The following AFF3 variants were observed in gnomAD, a reference collection of about 807,000 sequenced individuals.
The protein encoded by AFF3 is AF4/FMR2 family member 3.
Under a neutral mutation model 129.7 loss-of-function variants are expected in AFF3, and 32 were observed. The observed-to-expected ratio is 0.25, with a 90% confidence interval of 0.19 to 0.33. The LOEUF (loss-of-function observed/expected upper bound fraction) is 0.33. Among genes scored for constraint, AFF3 ranks in the 10% least tolerant of loss-of-function variants. The pLI is 1.00. For synonymous variants in AFF3, 644 were observed against 635.4 expected (o/e 1.01, Z -0.20); for missense variants, 1,373 against 1,592.0 (o/e 0.86, Z 2.34).
intron 4 of AFF3, among the ~76,000 whole-genome samples, chr2:100,035,886 T>G (rs771972044): frequency 2.0e-5 from 3 of 152,126 alleles, no homozygotes; most frequent in Non-Finnish European, 4.4e-5. Context: ...ATGAAAGTTA[T>G]CTGTTAATCA....
At chr2:99,639,112 T>A (rs1309856189) in intron 13 of AFF3, among the ~76,000 whole-genome samples, 1 of 152,226 alleles carries the variant, frequency 6.6e-6, no homozygotes, top group East Asian at 1.9e-4. Flanking sequence ...TTAGTGGCTT[T>A]ATACAACTCG....
chr2:99,776,923 G>A (rs925031602), intron 8 of AFF3, among the ~76,000 whole-genome samples: 4 of 152,164 alleles, frequency 2.6e-5, no homozygotes, highest in African/African-American at 4.8e-5. Flanking sequence ...AGAGTTTGTG[G>A]GGGGCACTGG....
At chr2:99,846,528 C>T (rs1299497151) in intron 7 of AFF3, among the ~76,000 whole-genome samples, 2 of 152,220 alleles carry the variant, frequency 1.3e-5, no homozygotes, top group Non-Finnish European at 2.9e-5. Context: ...ATCTGATTAT[C>T]ACTTATAGTC....
At chr2:100,068,525 T>C (rs1247450239) in intron 4 of AFF3, among the ~76,000 whole-genome samples, 1 of 152,184 alleles carries the variant, frequency 6.6e-6, no homozygotes, top group East Asian at 1.9e-4. Context: ...AGGATGAGTT[T>C]CTTTAAATAG....
intron 22 of AFF3, among the ~76,000 whole-genome samples, chr2:99,558,373 C>T (rs1362170711): frequency 6.6e-6 from 1 of 152,180 alleles, no homozygotes; most frequent in African/African-American, 2.4e-5. Flanking sequence ...GTATTCCTAG[C>T]ACTCTGGGAG....
chr2:100,010,997 G>A (rs573304769), intron 4 of AFF3, among the ~76,000 whole-genome samples: 5 of 152,286 alleles, frequency 3.3e-5, no homozygotes, highest in African/African-American at 9.6e-5. Flanking sequence ...AAAAGCAGCC[G>A]GGCGCTGTGG....
At chr2:99,806,134 A>G (rs1004094555) in intron 8 of AFF3, among the ~76,000 whole-genome samples, 22 of 152,192 alleles carry the variant, frequency 1.4e-4, no homozygotes, top group African/African-American at 5.3e-4. Context: ...AGCCATGATA[A>G]ATAAGGTTCG....
At chr2:100,005,055 C>T (rs952588805) in intron 7 of AFF3, among the ~76,000 whole-genome samples, 5 of 152,144 alleles carry the variant, frequency 3.3e-5, no homozygotes, top group African/African-American at 9.7e-5. Flanking sequence ...TTTCTCTCAG[C>T]GTGAGTCTCT....
intron 8 of AFF3, among the ~76,000 whole-genome samples, chr2:99,808,057 G>A (rs1441695332): frequency 1.3e-5 from 2 of 152,224 alleles, no homozygotes; most frequent in African/African-American, 4.8e-5. Flanking sequence ...TGAAGGGGAG[G>A]CAACCAAAAT....
chr2:99,696,748 C>T (rs1009702797), intron 11 of AFF3, among the ~76,000 whole-genome samples: 2 of 152,046 alleles, frequency 1.3e-5, no homozygotes, highest in Admixed American at 6.6e-5. Flanking sequence ...TGGGCTAAAG[C>T]GATCCTCCCG....
At chr2:99,959,126 G>A (rs1043325422) in intron 7 of AFF3, among the ~76,000 whole-genome samples, 3 of 152,056 alleles carry the variant, frequency 2.0e-5, no homozygotes, top group African/African-American at 7.2e-5. Context: ...AGGACAGCAA[G>A]AGTAGATGCT....
chr2:100,020,058 A>G (rs1683460404), intron 4 of AFF3, among the ~76,000 whole-genome samples: 1 of 152,054 alleles, frequency 6.6e-6, no homozygotes. Flanking sequence ...TATCAGCCAC[A>G]GTTTTCTGCA....
At chr2:99,831,040 C>T (rs1688482874) in intron 8 of AFF3, among the ~76,000 whole-genome samples, 1 of 152,142 alleles carries the variant, frequency 6.6e-6, no homozygotes, top group Non-Finnish European at 1.5e-5. Flanking sequence ...TGAAGACATG[C>T]CAGTGAACCT....
intron 7 of AFF3, among the ~76,000 whole-genome samples, chr2:99,974,438 A>C (rs995991912): frequency 2.6e-5 from 4 of 152,216 alleles, no homozygotes; most frequent in Admixed American, 1.3e-4. Flanking sequence ...CACTGACTGC[A>C]TGACAACCAC....
At chr2:100,105,725 C>G in intron 2 of AFF3, 142 bp from the exon 3 acceptor site, 1 of 1,362,542 alleles carries the variant, frequency 7.3e-7, no homozygotes, top group South Asian at 1.2e-5. Flanking sequence ...ACCTCTGCTT[C>G]TCCACAGTTG....
intron 4 of AFF3, among the ~76,000 whole-genome samples, chr2:100,034,468 T>A (rs1212420837): frequency 6.6e-6 from 1 of 152,046 alleles, no homozygotes; most frequent in African/African-American, 2.4e-5. Flanking sequence ...TTCAGAATTT[T>A]AAAAACTCAT....
rs551539195 is a variant in AFF3 at position 100,016,304 on chromosome 2, C to T, written c.54-7372G>A. On this transcript the variant is annotated intron_variant, in intron 4 of 24. Coordinates refer to ENST00000672756, the MANE Select transcript of AFF3 (RefSeq NM_001386135.1). ...GTGGGGGTGATGATGGTGGTGGCAG[C>T]GATGGTGACAGTGGTAGTGAACATG... Among the ~76,000 whole-genome samples, 32 of 130,660 alleles carry T rather than the reference C, an allele frequency of 2.4e-4. No homozygotes were observed. The South Asian group carries it at 5.7e-3, about 23-fold the overall frequency. 85.7% of individuals were successfully genotyped at this position (130,660 alleles called of 152,430 possible). A position where few individuals can be genotyped will look rare whatever the true frequency, so the allele number is the denominator to read the frequency against.
intron 7 of AFF3, among the ~76,000 whole-genome samples, chr2:99,856,209 A>T (rs930001677): frequency 6.6e-6 from 1 of 152,192 alleles, no homozygotes; most frequent in Non-Finnish European, 1.5e-5. Flanking sequence ...CTTAATAATA[A>T]TGTATCAATA....
intron 17 of AFF3, among the ~76,000 whole-genome samples, chr2:99,581,522 C>CTT (rs74265080): frequency 8.3e-5 from 12 of 145,316 alleles, no homozygotes; most frequent in African/African-American, 2.0e-4. Flanking sequence ...GAATCCTGTT[C>CTT]TTTTTTTTTT....
Sources: gnomAD v4.1 joint callset for allele counts (sites outside exome capture counted in the v4.1 genomes callset) on GRCh38, gnomAD v4.1.1 for gene constraint, MANE v1.5 for transcripts, NCBI Gene and HGNC (gene_info 2026-07-23, HGNC 2026-07-21) for gene names.